Variants in PDE4B observed in about 807,000 individuals in gnomAD.
The protein encoded by PDE4B is phosphodiesterase 4B.
PDE4B carries 20 observed loss-of-function variants against 82.2 expected under a neutral mutation model. The ratio of observed to expected loss-of-function variants is 0.24; its 90% CI spans 0.17 to 0.35. The LOEUF (loss-of-function observed/expected upper bound fraction) is 0.35, where lower values mean the gene tolerates loss of function less well. Ranked by LOEUF, PDE4B falls within the 10% of genes least tolerant of loss-of-function variation. The pLI is 1.00. For synonymous variants in PDE4B, 320 were observed against 318.9 expected (o/e 1.00, Z -0.04); for missense variants, 655 against 907.2 (o/e 0.72, Z 3.57).
At chr1:66,317,516 T>A (rs1458888827) in intron 7 of PDE4B, among the ~76,000 whole-genome samples, 1 of 151,958 alleles carries the variant, frequency 6.6e-6, no homozygotes, top group East Asian at 1.9e-4. Flanking sequence ...GAAGCAGGGA[T>A]CTTGTTGGGA....
chr1:65,796,246 G>T (rs1205590100), intron 1 of PDE4B, among the ~76,000 whole-genome samples: 1 of 152,158 alleles, frequency 6.6e-6, no homozygotes, highest in East Asian at 1.9e-4. Flanking sequence ...TTTTTAAAAT[G>T]TAGGTTTGTC....
chr1:65,838,963 A>G (rs1646175894), intron 1 of PDE4B, among the ~76,000 whole-genome samples: 1 of 152,178 alleles, frequency 6.6e-6, no homozygotes, highest in African/African-American at 2.4e-5. Flanking sequence ...GTATAATTTC[A>G]TTGTGTTGGA....
chr1:66,174,940 A>G (rs1646905347), intron 3 of PDE4B, among the ~76,000 whole-genome samples: 1 of 152,186 alleles, frequency 6.6e-6, no homozygotes, highest in African/African-American at 2.4e-5. Context: ...GTCTTACATG[A>G]TGGCAGGAGA....
chr1:66,279,039 A>G (rs1352478935), intron 7 of PDE4B, among the ~76,000 whole-genome samples: 2 of 151,894 alleles, frequency 1.3e-5, no homozygotes, highest in Non-Finnish European at 2.9e-5. Flanking sequence ...TTCCTCATCC[A>G]CAGAGCAAGG....
In PDE4B at chr1:66,272,779, CTTTTTTTTTTTTTTTTT is replaced by C. The variant is rs869201227; in HGVS notation, c.634+6701_634+6717del. Among the ~76,000 whole-genome samples the C allele has an allele frequency of 4.9e-4, 30 of 61,674 alleles. 3 individuals are homozygous for C. The highest frequency in any genetic ancestry group is 4.3e-3 in the East Asian group (8 of 1,866). The allele number at this position is 61,674 out of a possible 152,430, so 40.5% of individuals were successfully genotyped here. ...CAGCTTCCATTCTGGTACTAGAATT[CTTTTTTTTTTTTTTTTT>C]TTTTTTTTGGAGGGACGGAGTCTCA... On this transcript the variant is annotated intron_variant, in intron 7 of 16. Transcript: ENST00000341517.
At chr1:65,939,478 T>TA (rs1266835575) in intron 3 of PDE4B, among the ~76,000 whole-genome samples, 1 of 152,178 alleles carries the variant, frequency 6.6e-6, no homozygotes. Flanking sequence ...ACAGCTGTCA[T>TA]ACCAGGCTGA....
At chr1:66,113,304 T>C (rs1478670034) in intron 3 of PDE4B, among the ~76,000 whole-genome samples, 1 of 152,182 alleles carries the variant, frequency 6.6e-6, no homozygotes, top group Non-Finnish European at 1.5e-5. Flanking sequence ...AACTAGCACT[T>C]TGGGAAGGAA....
At chr1:65,936,834 A>T (rs1283061817) in intron 3 of PDE4B, among the ~76,000 whole-genome samples, 1 of 152,216 alleles carries the variant, frequency 6.6e-6, no homozygotes, top group African/African-American at 2.4e-5. Flanking sequence ...CTAAACACTG[A>T]ATCATGTTAA....
intron 3 of PDE4B, among the ~76,000 whole-genome samples, chr1:66,051,903 C>T (rs1655048639): frequency 6.6e-6 from 1 of 152,274 alleles, no homozygotes; most frequent in Non-Finnish European, 1.5e-5. Flanking sequence ...GCCTTTTTAT[C>T]CAAAGTCATA....
intron 3 of PDE4B, among the ~76,000 whole-genome samples, chr1:66,088,711 A>G (rs1343802756): frequency 6.6e-6 from 1 of 152,058 alleles, no homozygotes; most frequent in East Asian, 1.9e-4. Flanking sequence ...TTCAGAGCCT[A>G]GTAGTCATTG....
intron 7 of PDE4B, among the ~76,000 whole-genome samples, chr1:66,277,552 C>T (rs1442119087): frequency 5.9e-5 from 9 of 152,064 alleles, no homozygotes; most frequent in Admixed American, 2.6e-4. Flanking sequence ...TGCGCCACCA[C>T]GCCAGGCTAA....
intron 3 of PDE4B, chr1:65,992,709 A>C: frequency 1.5e-6 from 2 of 1,328,972 alleles, no homozygotes; most frequent in Non-Finnish European, 1.9e-6. Flanking sequence ...AGCCTGATAA[A>C]GCTCCTTGTG....
chr1:66,346,490 T>C (rs1279495553), intron 8 of PDE4B, among the ~76,000 whole-genome samples: 1 of 152,208 alleles, frequency 6.6e-6, no homozygotes, highest in Non-Finnish European at 1.5e-5. Context: ...TGAGTTATGG[T>C]GCTTTTCATT....
chr1:66,356,456 G>C (rs1570762291), intron 9 of PDE4B, among the ~76,000 whole-genome samples: 1 of 152,196 alleles, frequency 6.6e-6, no homozygotes, highest in African/African-American at 2.4e-5. Flanking sequence ...AAAGTAAATG[G>C]ATAGCATTTA....
intron 1 of PDE4B, among the ~76,000 whole-genome samples, chr1:65,878,444 C>G (rs113601719): frequency 0.015 from 2,320 of 152,294 alleles, 80 homozygotes; most frequent in African/African-American, 0.053. Flanking sequence ...ATGTTTATTG[C>G]TGCACTATTT....
chr1:65,987,925 T>C (rs1280509606), intron 3 of PDE4B, among the ~76,000 whole-genome samples: 2 of 152,240 alleles, frequency 1.3e-5, no homozygotes, highest in Non-Finnish European at 2.9e-5. Context: ...TGCGTCTTGA[T>C]ATTCTTATCT....
chr1:66,302,600 G>T (rs929311072), intron 7 of PDE4B, among the ~76,000 whole-genome samples: 2 of 152,140 alleles, frequency 1.3e-5, no homozygotes, highest in East Asian at 3.8e-4. Context: ...ACAAAGTCCT[G>T]CAAGGGCTGG....
intron 3 of PDE4B, among the ~76,000 whole-genome samples, chr1:66,014,359 A>T (rs183311425): frequency 6.6e-6 from 1 of 152,246 alleles, no homozygotes; most frequent in Admixed American, 6.6e-5. Context: ...CCAAAAAATC[A>T]TTATCAAATC....
At chr1:66,347,003 G>A (rs886209009) in intron 8 of PDE4B, among the ~76,000 whole-genome samples, 91 of 152,132 alleles carry the variant, frequency 6.0e-4, no homozygotes, top group African/African-American at 2.2e-3. Context: ...AGACTCAGTT[G>A]AATTCTCAGA....
Sources: gnomAD v4.1 joint callset for allele counts (sites outside exome capture counted in the v4.1 genomes callset) on GRCh38, gnomAD v4.1.1 for gene constraint, MANE v1.5 for transcripts, NCBI Gene and HGNC (gene_info 2026-07-23, HGNC 2026-07-21) for gene names.